Variants in CCNK observed in about 807,000 individuals in gnomAD.
CCNK encodes cyclin K, also known as cyclin-K.
In CCNK, 9 loss-of-function variants were observed where a neutral mutation model predicts 65.0. The ratio of observed to expected loss-of-function variants is 0.14; its 90% CI spans 0.08 to 0.24. CCNK has a LOEUF of 0.24. Among genes scored for constraint, CCNK ranks in the 10% least tolerant of loss-of-function variants. The pLI, the probability that CCNK is intolerant of heterozygous loss-of-function variation, is 1.00. For synonymous variants in CCNK, 279 were observed against 270.8 expected (o/e 1.03, Z -0.30); for missense variants, 474 against 720.0 (o/e 0.66, Z 3.91).
At chr14:99,489,536 T>C (rs940525880) in intron 1 of CCNK, among the ~76,000 whole-genome samples, 1 of 152,072 alleles carries the variant, frequency 6.6e-6, no homozygotes, top group Non-Finnish European at 1.5e-5. Context: ...GACTCTAAAA[T>C]AAGTAAGTAA....
rs759137082 is a variant in CCNK at position 99,501,447 on chromosome 14, T to C, written c.575+34T>C. On this transcript the variant is annotated intron_variant, in intron 6 of 10. Coordinates refer to ENST00000389879, the MANE Select transcript of CCNK (RefSeq NM_001099402.2). ...GTTCAAATGTTGATTAATTACAGTATTTTAAAATAGGCAGAGACTTTATGG... is the reference window on the plus strand; with the variant it reads ...GTTCAAATGTTGATTAATTACAGTACTTTAAAATAGGCAGAGACTTTATGG... 5.1e-6 allele frequency: 7 copies of C among 1,369,308 alleles called. No homozygotes were observed. In the South Asian group the frequency reaches 7.0e-5, roughly 14 times the overall value. The allele number at this position is 1,369,308 out of a possible 1,614,324, so 84.8% of individuals were successfully genotyped here.
intron 6 of CCNK, 161 bp from the exon 7 acceptor site, chr14:99,502,046 C>A: frequency 1.4e-6 from 1 of 738,684 alleles, no homozygotes; most frequent in Non-Finnish European, 2.0e-6. Context: ...TAGTCGGGTA[C>A]CTTTAGAAGA....
At position 99,510,341 on chromosome 14, in the gene CCNK, C is replaced by T; in HGVS notation, c.1302C>T (p.Thr434=). Residue 434 remains threonine, a synonymous_variant, in exon 11 of 11, where the codon ACC becomes ACT. Coordinates refer to ENST00000389879, the MANE Select transcript of CCNK (RefSeq NM_001099402.2). ...CCAGCTACATGACCGGGATGTCCACCACCAGCTCCTACATGTCTGGAGAGG... is the reference window on the plus strand; with the variant it reads ...CCAGCTACATGACCGGGATGTCCACTACCAGCTCCTACATGTCTGGAGAGG... ...PPSSYMTGMS[T]TSSYMSGEGY... 6.3e-7 allele frequency: 1 copy of T among 1,588,062 alleles called. No individual in the cohort carries two copies. Among genetic ancestry groups the T allele is most frequent in the African/African-American group, 1.4e-5 (1 of 73,236 alleles).
chr14:99,500,230 AAC>A (rs1429615685), intron 4 of CCNK: 1 of 152,378 alleles, frequency 6.6e-6, no homozygotes, highest in African/African-American at 2.4e-5. Flanking sequence ...GAAAGATTTA[AAC>A]ACAAAATTGA....
At chr14:99,499,298 A>G (rs1292774070) in intron 4 of CCNK, among the ~76,000 whole-genome samples, 2 of 152,202 alleles carry the variant, frequency 1.3e-5, no homozygotes, top group Non-Finnish European at 2.9e-5. Flanking sequence ...TCGGCCTCCC[A>G]AAGTGCTGGG....
intron 1 of CCNK, among the ~76,000 whole-genome samples, chr14:99,489,408 A>G (rs1312976172): frequency 6.6e-6 from 1 of 152,228 alleles, no homozygotes; most frequent in African/African-American, 2.4e-5. Context: ...GCTCATACCC[A>G]TAATCCTAGC....
chr14:99,500,704 T>G (rs1896803258), intron 4 of CCNK, 62 bp from the exon 5 acceptor site: 2 of 1,081,776 alleles, frequency 1.8e-6, no homozygotes, highest in South Asian at 2.7e-5. Flanking sequence ...AGCTCACTTT[T>G]GTAATGCTGC....
At chr14:99,493,670 G>T in intron 3 of CCNK, 75 bp downstream of exon 3, 1 of 978,040 alleles carries the variant, frequency 1.0e-6, no homozygotes. Flanking sequence ...CTAATTATAA[G>T]CTCTATTTTT....
chr14:99,501,440 T>G, intron 6 of CCNK, 27 bp downstream of exon 6: 1 of 1,426,502 alleles, frequency 7.0e-7, no homozygotes. Context: ...GTTGATTAAT[T>G]ACAGTATTTT....
intron 4 of CCNK, among the ~76,000 whole-genome samples, chr14:99,498,392 G>A (rs1161136374): frequency 6.6e-6 from 1 of 152,108 alleles, no homozygotes; most frequent in Non-Finnish European, 1.5e-5. Flanking sequence ...GGTCGGAGTC[G>A]GGGCCAAAGG....
chr14:99,506,952 TA>T, intron 9 of CCNK, 123 bp from the exon 10 acceptor site: 2 of 748,488 alleles, frequency 2.7e-6, no homozygotes. Context: ...CAAGTTCCCT[TA>T]AAGCCTTGGT....
chr14:99,484,913 G>A (rs1435813426), intron 1 of CCNK, among the ~76,000 whole-genome samples: 2 of 152,204 alleles, frequency 1.3e-5, no homozygotes, highest in Non-Finnish European at 2.9e-5. Context: ...GAAAGGTGCT[G>A]CTAAAATGCC....
chr14:99,483,693 A>G (rs1896412933), intron 1 of CCNK, among the ~76,000 whole-genome samples: 1 of 152,248 alleles, frequency 6.6e-6, no homozygotes, highest in Non-Finnish European at 1.5e-5. Flanking sequence ...GTGTGTAGAC[A>G]CAAGAGTTAA....
At chr14:99,497,612 C>T (rs1274329343) in intron 4 of CCNK, among the ~76,000 whole-genome samples, 6 of 152,360 alleles carry the variant, frequency 3.9e-5, no homozygotes, top group African/African-American at 1.4e-4. Flanking sequence ...CGATGAAGTT[C>T]AGCCCCATTC....
intron 9 of CCNK, chr14:99,503,877 A>T: frequency 1.8e-6 from 1 of 543,766 alleles, no homozygotes; most frequent in South Asian, 2.3e-5. Context: ...ATAAAAATGT[A>T]CTCAGTAACA....
intron 5 of CCNK, 81 bp downstream of exon 5, chr14:99,500,952 C>T: frequency 1.1e-6 from 1 of 896,908 alleles, no homozygotes. Flanking sequence ...TTACGCTTCT[C>T]AAAAGCGGAA....
chr14:99,501,274 G>C, intron 5 of CCNK, 82 bp from the exon 6 acceptor site: 2 of 886,536 alleles, frequency 2.3e-6, no homozygotes, highest in South Asian at 2.7e-5. Context: ...TGCTGAACAC[G>C]TGGTAGGTTT....
chr14:99,511,549 C>G lies in CCNK; in HGVS notation c.*767C>G, dbSNP rs1897131589. On this transcript the variant is annotated 3_prime_UTR_variant, in exon 11 of 11. Coordinates refer to ENST00000389879, the MANE Select transcript of CCNK (RefSeq NM_001099402.2). The stretch of plus-strand genomic sequence containing the variant: ...TTTGTTATGGGTGGAAGGTGGGGCT[C>G]CAGGCCTTCGCAGTCTGTGGCTTAT... 6.6e-6 allele frequency: 1 copy of G among 152,534 alleles called. No homozygotes were observed. The highest frequency in any genetic ancestry group is 1.5e-5 in the Non-Finnish European group (1 of 68,042). The allele number at this position is 152,534 out of a possible 1,614,324, so 9.4% of individuals were successfully genotyped here. A position where few individuals can be genotyped will look rare whatever the true frequency, so the allele number is the denominator to read the frequency against.
intron 6 of CCNK, chr14:99,501,974 G>A (rs1452073264): frequency 5.1e-6 from 2 of 389,144 alleles, no homozygotes; most frequent in South Asian, 4.9e-5. Context: ...ATTTTTGGAT[G>A]TGCTAGAATT....
Sources: gnomAD v4.1 joint callset for allele counts (sites outside exome capture counted in the v4.1 genomes callset) on GRCh38, gnomAD v4.1.1 for gene constraint, MANE v1.5 for transcripts, NCBI Gene and HGNC (gene_info 2026-07-23, HGNC 2026-07-21) for gene names.